The following CCSER1 variants were observed in gnomAD, a reference collection of about 807,000 sequenced individuals.
CCSER1 encodes the protein coiled-coil serine rich protein 1.
A neutral mutation model predicts 82.0 loss-of-function variants in CCSER1; 41 were observed. The observed-to-expected ratio is 0.50, with a 90% CI of 0.39 to 0.65. The LOEUF (loss-of-function observed/expected upper bound fraction) is 0.65, where lower values mean the gene tolerates loss of function less well. CCSER1 is among the 30% of genes least tolerant of loss of function. CCSER1 has a pLI of 0.00. For synonymous variants in CCSER1, 414 were observed against 383.9 expected (o/e 1.08, Z -0.92); for missense variants, 1,119 against 1,064.2 (o/e 1.05, Z -0.72).
chr4:90,317,510 T>C (rs1226518489), intron 3 of CCSER1, among the ~76,000 whole-genome samples: 3 of 152,116 alleles, frequency 2.0e-5, no homozygotes, highest in Non-Finnish European at 4.4e-5. Context: ...TAATCCCAGC[T>C]ACTCGGAAGG....
chr4:90,657,329 C>T (rs1204140611), intron 6 of CCSER1, among the ~76,000 whole-genome samples: 3 of 152,044 alleles, frequency 2.0e-5, no homozygotes, highest in East Asian at 1.9e-4. Flanking sequence ...TTTTCTCTGG[C>T]GTCTTTTAAC....
chr4:90,939,174 A>G (rs997627980), intron 9 of CCSER1, among the ~76,000 whole-genome samples: 1 of 152,146 alleles, frequency 6.6e-6, no homozygotes, highest in African/African-American at 2.4e-5. Flanking sequence ...GACATTTCCT[A>G]CTGAAGAACA....
At chr4:91,438,420 G>A (rs948241951) in intron 10 of CCSER1, among the ~76,000 whole-genome samples, 1 of 152,124 alleles carries the variant, frequency 6.6e-6, no homozygotes, top group African/African-American at 2.4e-5. Flanking sequence ...GCAGCTGAGG[G>A]TCCTGTCTGT....
rs1158531206 is a variant in CCSER1 at position 90,276,186 on chromosome 4, TTTTC to T, written c.-41-31993_-41-31990del. On this transcript the variant is annotated intron_variant, in intron 1 of 10. Transcript: ENST00000509176. Reference sequence around the variant, plus strand: ...TCTAGCAGGAAAGACTTGAACACTGTTTTCTTTCTTTCTTTCTTTCTTTCTTTCT... The same window carrying T: ...TCTAGCAGGAAAGACTTGAACACTGTTTTCTTTCTTTCTTTCTTTCTTTCT... Among the ~76,000 whole-genome samples the T allele has an allele frequency of 4.6e-3, 516 of 113,288 alleles. 22 individuals are homozygous for T. Among genetic ancestry groups the T allele is most frequent in the African/African-American group, 5.6e-3 (169 of 30,236 alleles). 74.3% of individuals were successfully genotyped at this position (113,288 alleles called of 152,430 possible).
intron 3 of CCSER1, among the ~76,000 whole-genome samples, chr4:90,382,092 A>C (rs1749294453): frequency 2.0e-5 from 3 of 152,134 alleles, no homozygotes; most frequent in Admixed American, 1.3e-4. Context: ...GATTTGGATA[A>C]AATAAAAACA....
chr4:90,345,220 C>CACCAG (rs535012276), intron 3 of CCSER1, among the ~76,000 whole-genome samples: 57 of 152,106 alleles, frequency 3.7e-4, no homozygotes, highest in Admixed American at 1.4e-3. Context: ...GTAGGAGAAC[C>CACCAG]ACCAGCATTG....
chr4:91,314,567 C>T (rs1745699284), intron 10 of CCSER1, among the ~76,000 whole-genome samples: 1 of 151,980 alleles, frequency 6.6e-6, no homozygotes, highest in Non-Finnish European at 1.5e-5. Flanking sequence ...CAGACTAGCT[C>T]TCTGGCTTCC....
chr4:91,482,556 A>G (rs1255461336), intron 10 of CCSER1, among the ~76,000 whole-genome samples: 1 of 152,072 alleles, frequency 6.6e-6, no homozygotes. Flanking sequence ...AGGATCTAGA[A>G]CTAGAAATAC....
chr4:91,299,745 A>G (rs1744521318), intron 10 of CCSER1, among the ~76,000 whole-genome samples: 1 of 151,890 alleles, frequency 6.6e-6, no homozygotes, highest in Non-Finnish European at 1.5e-5. Context: ...AAAAGTCACA[A>G]TAAAAAATTT....
chr4:91,446,264 G>T (rs1275519642), intron 10 of CCSER1, among the ~76,000 whole-genome samples: 1 of 152,162 alleles, frequency 6.6e-6, no homozygotes, highest in Non-Finnish European at 1.5e-5. Context: ...ACATCAAGCA[G>T]TGGCCAAAAG....
intron 10 of CCSER1, among the ~76,000 whole-genome samples, chr4:91,178,604 T>C (rs1733659516): frequency 6.6e-6 from 1 of 152,192 alleles, no homozygotes; most frequent in East Asian, 1.9e-4. Context: ...TTAAAGTCTG[T>C]TGTATCAGAG....
At chr4:90,711,494 AG>A (rs1170524730) in intron 6 of CCSER1, among the ~76,000 whole-genome samples, 4 of 151,978 alleles carry the variant, frequency 2.6e-5, no homozygotes, top group Non-Finnish European at 5.9e-5. Flanking sequence ...TATTATTTTG[AG>A]GTATGTTCAT....
At chr4:90,252,022 G>T (rs1159688697) in intron 1 of CCSER1, among the ~76,000 whole-genome samples, 1 of 151,836 alleles carries the variant, frequency 6.6e-6, no homozygotes, top group Non-Finnish European at 1.5e-5. Flanking sequence ...TCTTTGGTCA[G>T]TGTCTTAAGG....
chr4:90,487,573 A>G (rs1446037661), intron 5 of CCSER1, among the ~76,000 whole-genome samples: 1 of 152,242 alleles, frequency 6.6e-6, no homozygotes, highest in Non-Finnish European at 1.5e-5. Flanking sequence ...GCACAACACC[A>G]GATTCTAAAA....
intron 10 of CCSER1, among the ~76,000 whole-genome samples, chr4:91,271,116 AT>A (rs1294195333): frequency 1.3e-5 from 2 of 151,858 alleles, no homozygotes; most frequent in Non-Finnish European, 2.9e-5. Context: ...TAATAGATAG[AT>A]TTTTTAAAAT....
chr4:90,346,358 C>A (rs1742340626), intron 3 of CCSER1, among the ~76,000 whole-genome samples: 1 of 92,908 alleles, frequency 1.1e-5, no homozygotes, highest in African/African-American at 4.2e-5. Context: ...GATCTCTCTT[C>A]TTTATTGCAG....
chr4:90,658,389 T>C (rs932320203), intron 6 of CCSER1, among the ~76,000 whole-genome samples: 1 of 152,160 alleles, frequency 6.6e-6, no homozygotes, highest in Non-Finnish European at 1.5e-5. Flanking sequence ...GGGAACCTAG[T>C]GGGATTACCA....
intron 10 of CCSER1, among the ~76,000 whole-genome samples, chr4:91,331,388 A>G (rs1013111288): frequency 6.6e-6 from 1 of 151,922 alleles, no homozygotes; most frequent in Non-Finnish European, 1.5e-5. Flanking sequence ...CATGTAAGAA[A>G]CCCCTAAGGT....
At chr4:91,484,692 T>G (rs1448215116) in intron 10 of CCSER1, among the ~76,000 whole-genome samples, 1 of 152,182 alleles carries the variant, frequency 6.6e-6, no homozygotes, top group African/African-American at 2.4e-5. Flanking sequence ...AATGAATTCT[T>G]CAGTGATTCT....
Sources: gnomAD v4.1 joint callset for allele counts (sites outside exome capture counted in the v4.1 genomes callset) on GRCh38, gnomAD v4.1.1 for gene constraint, MANE v1.5 for transcripts, NCBI Gene and HGNC (gene_info 2026-07-23, HGNC 2026-07-21) for gene names.